ASAP1: variants seen among roughly 807,000 people sequenced by gnomAD.
The protein encoded by ASAP1 is ArfGAP with SH3 domain, ankyrin repeat and PH domain 1.
A neutral mutation model predicts 145.2 loss-of-function variants in ASAP1; 43 were observed. The observed-to-expected ratio is 0.30, with a 90% confidence interval of 0.23 to 0.38. ASAP1 has a LOEUF of 0.38. Ranked by LOEUF, ASAP1 falls within the 10% of genes least tolerant of loss-of-function variation. The pLI is 1.00. For missense variants in ASAP1, 1,018 were observed against 1,355.3 expected (o/e 0.75, Z 3.91); for synonymous variants, 546 against 515.5 (o/e 1.06, Z -0.80).
chr8:130,378,409 T>C (rs993038530), intron 2 of ASAP1, among the ~76,000 whole-genome samples: 1 of 152,202 alleles, frequency 6.6e-6, no homozygotes, highest in African/African-American at 2.4e-5. Context: ...AGCTGCCTCC[T>C]GAAGGAGGTT....
At chr8:130,197,490 C>T (rs140958518) in intron 5 of ASAP1, among the ~76,000 whole-genome samples, 1 of 152,366 alleles carries the variant, frequency 6.6e-6, no homozygotes, top group African/African-American at 2.4e-5. Context: ...TGAAGCTCCA[C>T]TTTATTCCAG....
chr8:130,260,558 G>C (rs933745553), intron 3 of ASAP1, among the ~76,000 whole-genome samples: 1 of 152,202 alleles, frequency 6.6e-6, no homozygotes, highest in Non-Finnish European at 1.5e-5. Flanking sequence ...GTTAGCACCA[G>C]GACTAAATCT....
chr8:130,228,700 TAAA>T (rs34562395), intron 4 of ASAP1, among the ~76,000 whole-genome samples: 7 of 129,088 alleles, frequency 5.4e-5, no homozygotes, highest in Admixed American at 7.8e-5. Context: ...GACCCTGTCT[TAAA>T]AAAAAAAAAA....
Position 130,378,665 on chromosome 8 carries a change from C to T in ASAP1, c.60-20522G>A, listed in dbSNP as rs188812535. 1.8e-3 allele frequency among the ~76,000 whole-genome samples: 273 copies of T among 152,316 alleles called. 1 individual carries two copies. Among genetic ancestry groups the T allele is most frequent in the Middle Eastern group, 0.01 (3 of 294 alleles). On this transcript the variant is annotated intron_variant, in intron 2 of 29. Transcript: ENST00000518721. ...TAAAAGTGAGGGAGAGTTTCTAAGA[C>T]GGCAATGGACACGAACAGTTTTGAT...
intron 3 of ASAP1, among the ~76,000 whole-genome samples, chr8:130,270,505 CAAGT>C: frequency 6.6e-6 from 1 of 152,152 alleles, no homozygotes; most frequent in East Asian, 1.9e-4. Context: ...AGTGTAGAGA[CAAGT>C]AACTTATAAA....
At chr8:130,382,798 T>C (rs879378955) in intron 2 of ASAP1, among the ~76,000 whole-genome samples, 3 of 151,842 alleles carry the variant, frequency 2.0e-5, no homozygotes, top group Admixed American at 2.0e-4. Context: ...TGAGCTGAGA[T>C]TGCGCACCAC....
At chr8:130,223,621 A>G (rs1385778646) in intron 4 of ASAP1, among the ~76,000 whole-genome samples, 4 of 152,048 alleles carry the variant, frequency 2.6e-5, no homozygotes, top group Non-Finnish European at 5.9e-5. Flanking sequence ...TCTTAGCCAT[A>G]GTAATACCTA....
In ASAP1 at chr8:130,390,944, C is replaced by A. The variant is rs546077171; in HGVS notation, c.59+10941G>T. ...CTTCTGGGTATATATCCCCCGCCCC[C>A]CCAAAATTGAAAGCAGGATCTGGAG... On this transcript the variant is annotated intron_variant, in intron 2 of 29. Coordinates refer to ENST00000518721, the MANE Select transcript of ASAP1 (RefSeq NM_018482.4). 9.4e-5 allele frequency among the ~76,000 whole-genome samples: 14 copies of A among 148,840 alleles called. No individual in the cohort carries two copies. The East Asian group carries it at 2.7e-3, about 29-fold the overall frequency.
intron 2 of ASAP1, among the ~76,000 whole-genome samples, chr8:130,396,592 C>A (rs1828541091): frequency 6.6e-6 from 1 of 152,206 alleles, no homozygotes; most frequent in Non-Finnish European, 1.5e-5. Flanking sequence ...TCTTTTACAT[C>A]CAGAAATCAC....
chr8:130,131,112 G>A (rs551434134), intron 15 of ASAP1, among the ~76,000 whole-genome samples: 3 of 151,986 alleles, frequency 2.0e-5, no homozygotes, highest in East Asian at 1.9e-4. Context: ...AGCCGAGATC[G>A]CGCCACTGCA....
chr8:130,071,057 T>G (rs1475228460), intron 27 of ASAP1, among the ~76,000 whole-genome samples: 23 of 85,666 alleles, frequency 2.7e-4, no homozygotes, highest in South Asian at 3.3e-4. Flanking sequence ...AAAGCAGAGT[T>G]TCCCCAAATC....
chr8:130,103,755 C>A (rs1178790293), intron 24 of ASAP1, among the ~76,000 whole-genome samples: 3 of 152,184 alleles, frequency 2.0e-5, no homozygotes, highest in Non-Finnish European at 4.4e-5. Context: ...CTCAGGTGAT[C>A]CACCTGCCTC....
Position 130,140,592 on chromosome 8 carries a change from T to A in ASAP1, c.1081-3554A>T, listed in dbSNP as rs184908565. 2.9e-3 allele frequency among the ~76,000 whole-genome samples: 442 copies of A among 152,334 alleles called. 1 individual carries two copies. Among genetic ancestry groups the A allele is most frequent in the African/African-American group, 0.01 (427 of 41,578 alleles). On this transcript the variant is annotated intron_variant, in intron 13 of 29. Coordinates refer to ENST00000518721, the MANE Select transcript of ASAP1 (RefSeq NM_018482.4). ...TTGCTGATAAGGAATTTATATGGTT[T>A]AAGTCATTCCATGATTGACCCACAA...
chr8:130,359,164 G>A (rs1826570554), intron 2 of ASAP1, among the ~76,000 whole-genome samples: 1 of 152,192 alleles, frequency 6.6e-6, no homozygotes, highest in South Asian at 2.1e-4. Flanking sequence ...GACGAATGAA[G>A]GGTTTGGGGG....
intron 27 of ASAP1, among the ~76,000 whole-genome samples, chr8:130,075,832 T>C (rs781050355): frequency 1.3e-5 from 2 of 152,230 alleles, no homozygotes; most frequent in African/African-American, 4.8e-5. Flanking sequence ...AGCATGGGTA[T>C]CTCTACTCTG....
intron 3 of ASAP1, among the ~76,000 whole-genome samples, chr8:130,285,642 T>A (rs1450835927): frequency 2.0e-5 from 3 of 152,228 alleles, no homozygotes; most frequent in Non-Finnish European, 2.9e-5. Context: ...GGTTTTGTTT[T>A]TCTGAAAGCT....
intron 2 of ASAP1, among the ~76,000 whole-genome samples, chr8:130,391,489 T>A (rs920010720): frequency 2.0e-5 from 3 of 152,240 alleles, no homozygotes; most frequent in Non-Finnish European, 4.4e-5. Flanking sequence ...AAAGATTTTT[T>A]AAAAAGCATT....
chr8:130,434,113 C>T (rs186701168), intron 1 of ASAP1, among the ~76,000 whole-genome samples: 94 of 152,252 alleles, frequency 6.2e-4, no homozygotes, highest in Admixed American at 1.5e-3. Context: ...TCCAGGAGTT[C>T]GAGACCAACT....
At chr8:130,098,206 C>A (rs1265350400) in intron 24 of ASAP1, among the ~76,000 whole-genome samples, 1 of 152,184 alleles carries the variant, frequency 6.6e-6, no homozygotes, top group African/African-American at 2.4e-5. Flanking sequence ...CCAGGCAGAA[C>A]CCCATTCTGT....
Sources: gnomAD v4.1 joint callset for allele counts (sites outside exome capture counted in the v4.1 genomes callset) on GRCh38, gnomAD v4.1.1 for gene constraint, MANE v1.5 for transcripts, NCBI Gene and HGNC (gene_info 2026-07-23, HGNC 2026-07-21) for gene names.